Variants in DLG1 observed in about 807,000 individuals in gnomAD.
The protein encoded by DLG1 is discs large MAGUK scaffold protein 1.
Under a neutral mutation model 123.4 loss-of-function variants are expected in DLG1, and 42 were observed. That is an observed-to-expected ratio of 0.34 (90% CI 0.27 to 0.44). DLG1 has a LOEUF of 0.44. Among genes scored for constraint, DLG1 ranks in the 20% least tolerant of loss-of-function variants. DLG1 has a pLI of 1.00. For synonymous variants in DLG1, 317 were observed against 356.2 expected, an observed-to-expected ratio of 0.89 and a Z score of 1.24; for missense variants, 942 against 1,082.6, an observed-to-expected ratio of 0.87 and a Z score of 1.82.
At chr3:197,229,736 A>G (rs867323264) in intron 4 of DLG1, among the ~76,000 whole-genome samples, 34 of 152,364 alleles carry the variant, frequency 2.2e-4, no homozygotes, top group African/African-American at 7.9e-4. Flanking sequence ...TGTTCATTCT[A>G]CATTTGCCTA....
chr3:197,261,076 C>G (rs1759218675), intron 4 of DLG1, among the ~76,000 whole-genome samples: 1 of 152,112 alleles, frequency 6.6e-6, no homozygotes, highest in Non-Finnish European at 1.5e-5. Context: ...AAAACCACCA[C>G]AAAAAGATAG....
chr3:197,088,497 G>A (rs551717533), intron 15 of DLG1, among the ~76,000 whole-genome samples: 3 of 152,250 alleles, frequency 2.0e-5, no homozygotes, highest in African/African-American at 4.8e-5. Context: ...ACACCTTTTC[G>A]CAGGAATTTA....
chr3:197,054,820 TA>T (rs1189477925), intron 23 of DLG1, among the ~76,000 whole-genome samples: 1 of 151,436 alleles, frequency 6.6e-6, no homozygotes, highest in Non-Finnish European at 1.5e-5. Flanking sequence ...AATTTTTGTT[TA>T]TTTTTTTTTT....
At position 197,143,167 on chromosome 3, in the gene DLG1, G is replaced by T. The variant is rs556841749; in HGVS notation, c.538-399C>A. On this transcript the variant is annotated intron_variant, in intron 6 of 24. Coordinates refer to ENST00000667157, the MANE Select transcript of DLG1 (RefSeq NM_001366207.1). ...TTCAGGCCTTGTTCAACCTCCTCTG[G>T]AATGGAATACTGTCAATGCAGTCTG... is the stretch of plus-strand genomic sequence containing the variant. 3.3e-5 allele frequency among the ~76,000 whole-genome samples: 5 copies of T among 152,192 alleles called. No individual in the cohort carries two copies. The South Asian group carries it at 1.0e-3, about 32-fold the overall frequency.
intron 5 of DLG1, among the ~76,000 whole-genome samples, chr3:197,166,237 C>T (rs1000609763): frequency 6.6e-6 from 1 of 152,072 alleles, no homozygotes; most frequent in Non-Finnish European, 1.5e-5. Context: ...AGAAGGGCGT[C>T]CAACTAGGGC....
In DLG1 at chr3:197,297,613, C is replaced by T. The variant is rs968282813; in HGVS notation, c.-31-378G>A. Reference sequence around the variant, plus strand: ...CTGAGCCAGCAGCGGCCGCAGAGCGCTGAGAGGGGACCAGCGGGACTGGCC... The same window carrying T: ...CTGAGCCAGCAGCGGCCGCAGAGCGTTGAGAGGGGACCAGCGGGACTGGCC... On this transcript the variant is annotated intron_variant, in intron 1 of 24. Transcript: ENST00000667157. The T allele has an allele frequency of 1.2e-5, 12 of 1,011,106 alleles. No individual in the cohort carries two copies. The African/African-American group carries it at 2.1e-4, about 17-fold the overall frequency. The allele number at this position is 1,011,106 out of a possible 1,614,324, so 62.6% of individuals were successfully genotyped here.
At chr3:197,090,811 T>C (rs551673467) in intron 15 of DLG1, 101 bp downstream of exon 15, 691 of 645,052 alleles carry the variant, frequency 1.1e-3, no homozygotes, top group Non-Finnish European at 1.5e-3. Context: ...TGGCAATATA[T>C]TTTCTTACGG....
intron 4 of DLG1, among the ~76,000 whole-genome samples, chr3:197,201,128 A>G (rs962077930): frequency 5.3e-5 from 8 of 152,254 alleles, no homozygotes; most frequent in Non-Finnish European, 2.9e-5. Context: ...TCACGCCTCT[A>G]ATCCCAGCAC....
At chr3:197,091,192 A>G (rs1757539230) in intron 14 of DLG1, among the ~76,000 whole-genome samples, 166 bp from the exon 15 acceptor site, 1 of 151,830 alleles carries the variant, frequency 6.6e-6, no homozygotes, top group African/African-American at 2.4e-5. Flanking sequence ...TCAAAAAAAA[A>G]TTATTAATAA....
chr3:197,215,320 C>A (rs1436250497), intron 4 of DLG1, among the ~76,000 whole-genome samples: 3 of 152,066 alleles, frequency 2.0e-5, no homozygotes, highest in Non-Finnish European at 2.9e-5. Flanking sequence ...ATAAATGTGA[C>A]TGGGATAATT....
At chr3:197,241,692 G>A (rs1748958308) in intron 4 of DLG1, among the ~76,000 whole-genome samples, 1 of 152,090 alleles carries the variant, frequency 6.6e-6, no homozygotes, top group African/African-American at 2.4e-5. Flanking sequence ...ATTCTTAGAG[G>A]GAGGGATGAA....
intron 4 of DLG1, among the ~76,000 whole-genome samples, chr3:197,246,922 C>T (rs1254862580): frequency 6.6e-6 from 1 of 152,214 alleles, no homozygotes; most frequent in African/African-American, 2.4e-5. Context: ...ACTATTATAG[C>T]GGCCCTATGG....
chr3:197,212,307 A>G (rs1247637330), intron 4 of DLG1, among the ~76,000 whole-genome samples: 3 of 149,894 alleles, frequency 2.0e-5, no homozygotes, highest in African/African-American at 7.2e-5. Context: ...TACTTGCCTC[A>G]CTTGTTTTCA....
chr3:197,189,508 C>T (rs1238410320), intron 5 of DLG1, among the ~76,000 whole-genome samples: 1 of 152,020 alleles, frequency 6.6e-6, no homozygotes, highest in African/African-American at 2.4e-5. Flanking sequence ...ACTCAGTTTG[C>T]AAATATGAAT....
At chr3:197,197,623 T>C (rs905836897) in intron 4 of DLG1, among the ~76,000 whole-genome samples, 4 of 152,130 alleles carry the variant, frequency 2.6e-5, no homozygotes, top group African/African-American at 9.7e-5. Context: ...CAGGCACTTT[T>C]CCCCCACAGA....
chr3:197,207,225 C>G (rs897882863), intron 4 of DLG1, among the ~76,000 whole-genome samples: 2 of 152,278 alleles, frequency 1.3e-5, no homozygotes, highest in African/African-American at 4.8e-5. Flanking sequence ...GTTACACAAA[C>G]TTTACGCAAA....
At chr3:197,279,581 T>A (rs914405509) in intron 4 of DLG1, among the ~76,000 whole-genome samples, 11 of 152,230 alleles carry the variant, frequency 7.2e-5, no homozygotes, top group African/African-American at 2.7e-4. Context: ...TAATAAGATC[T>A]GACGCTCACA....
chr3:197,291,300 T>TACACACACACACACACACAC (rs33920543), intron 3 of DLG1, among the ~76,000 whole-genome samples: 1 of 143,188 alleles, frequency 7.0e-6, no homozygotes, highest in Non-Finnish European at 1.5e-5. Flanking sequence ...CCTACAAAGT[T>TACACACACACACACACACAC]ACACACACAC....
chr3:197,098,528 T>C (rs1761843749), intron 14 of DLG1, among the ~76,000 whole-genome samples: 1 of 152,206 alleles, frequency 6.6e-6, no homozygotes, highest in African/African-American at 2.4e-5. Flanking sequence ...TTCATATTTA[T>C]AGTCTTTGCT....
Sources: allele counts gnomAD v4.1 joint callset (sites outside exome capture counted in the v4.1 genomes callset), GRCh38; gene constraint gnomAD v4.1.1; transcripts MANE v1.5; gene names NCBI Gene and HGNC (gene_info 2026-07-23, HGNC 2026-07-21).